ATP8A2: variants seen among roughly 807,000 people sequenced by gnomAD.
ATP8A2 encodes phospholipid-transporting ATPase IB.
ATP8A2 carries 100 observed loss-of-function variants against 165.6 expected under a neutral mutation model. The observed-to-expected ratio is 0.60, with a 90% confidence interval of 0.51 to 0.71. The LOEUF (loss-of-function observed/expected upper bound fraction) is 0.71. Ranked by LOEUF, ATP8A2 falls within the 30% of genes least tolerant of loss-of-function variation. The pLI, the probability that ATP8A2 is intolerant of heterozygous loss-of-function variation, is 0.00. For missense variants in ATP8A2, 1,227 were observed against 1,479.5 expected (o/e 0.83, Z 2.80); for synonymous variants, 543 against 548.8 (o/e 0.99, Z 0.15).
chr13:26,011,138 G>T (rs1056227637), intron 35 of ATP8A2, among the ~76,000 whole-genome samples: 30 of 152,186 alleles, frequency 2.0e-4, no homozygotes, highest in African/African-American at 6.0e-4. Flanking sequence ...CAAACGTAAG[G>T]GGGGTCTGTA....
intron 1 of ATP8A2, among the ~76,000 whole-genome samples, chr13:25,460,596 A>C (rs1315682114): frequency 5.3e-5 from 8 of 152,172 alleles, no homozygotes; most frequent in Non-Finnish European, 2.9e-5. Flanking sequence ...TTACAGGATA[A>C]ATTTAATACA....
intron 31 of ATP8A2, among the ~76,000 whole-genome samples, 170 bp downstream of exon 31, chr13:25,860,426 C>T (rs1029842337): frequency 1.3e-5 from 2 of 152,094 alleles, no homozygotes; most frequent in Admixed American, 6.6e-5. Context: ...CTTACATCAT[C>T]GTTTCTGAAG....
At chr13:25,501,807 G>C (rs1195643826) in intron 2 of ATP8A2, among the ~76,000 whole-genome samples, 1 of 152,140 alleles carries the variant, frequency 6.6e-6, no homozygotes, top group Non-Finnish European at 1.5e-5. Flanking sequence ...TTGTCCTCTG[G>C]GACTCTGAGG....
At chr13:25,826,189 A>G (rs1468119897) in intron 27 of ATP8A2, among the ~76,000 whole-genome samples, 1 of 152,214 alleles carries the variant, frequency 6.6e-6, no homozygotes, top group Non-Finnish European at 1.5e-5. Flanking sequence ...CTTTAATATC[A>G]CTTTGTACCC....
rs531885578 is a variant in ATP8A2 at position 25,978,895 on chromosome 13, G to C, written c.3377+10216G>C. On this transcript the variant is annotated intron_variant, in intron 35 of 36. Coordinates refer to ENST00000381655, the MANE Select transcript of ATP8A2 (RefSeq NM_016529.6). ...GCGGAGCTTGGAGTGAGCCGAGATC[G>C]CGCCACTGCACTCCAGCCTGGGCGA... is the stretch of plus-strand genomic sequence containing the variant. Among the ~76,000 whole-genome samples the C allele has an allele frequency of 6.4e-3, 972 of 152,176 alleles. 5 individuals are homozygous for C. The highest frequency in any genetic ancestry group is 0.027 in the Middle Eastern group (8 of 294).
chr13:25,778,624 C>T (rs1226776267), intron 27 of ATP8A2, among the ~76,000 whole-genome samples: 1 of 152,160 alleles, frequency 6.6e-6, no homozygotes, highest in African/African-American at 2.4e-5. Flanking sequence ...CAGTGTCTGG[C>T]ACAATGTCTG....
At chr13:25,971,405 G>A (rs1362816641) in intron 35 of ATP8A2, among the ~76,000 whole-genome samples, 1 of 151,958 alleles carries the variant, frequency 6.6e-6, no homozygotes, top group African/African-American at 2.4e-5. Context: ...CTTCAGCTCT[G>A]TCCTCCCTTC....
At chr13:25,554,560 TG>T (rs1426928959) in intron 12 of ATP8A2, among the ~76,000 whole-genome samples, 1 of 151,534 alleles carries the variant, frequency 6.6e-6, no homozygotes, top group Non-Finnish European at 1.5e-5. Flanking sequence ...TGTGTGTGTG[TG>T]TGTGTATTTC....
intron 2 of ATP8A2, among the ~76,000 whole-genome samples, chr13:25,495,434 T>C (rs558044895): frequency 3.9e-5 from 6 of 152,120 alleles, no homozygotes; most frequent in African/African-American, 1.4e-4. Context: ...CTCTGCTCTC[T>C]CTTCCTACCT....
At chr13:25,642,574 G>A (rs549750039) in intron 24 of ATP8A2, among the ~76,000 whole-genome samples, 364 of 152,198 alleles carry the variant, frequency 2.4e-3, no homozygotes, top group African/African-American at 8.5e-3. Flanking sequence ...AATGGTGATC[G>A]TTAAAAAGTG....
intron 28 of ATP8A2, among the ~76,000 whole-genome samples, chr13:25,836,532 C>A (rs1951612789): frequency 6.6e-6 from 1 of 152,186 alleles, no homozygotes; most frequent in African/African-American, 2.4e-5. Flanking sequence ...CCTCCCCTAA[C>A]AGGTATTAAT....
At position 25,643,943 on chromosome 13, in the gene ATP8A2, A is replaced by G. The variant is rs59969469; in HGVS notation, c.2211+54244A>G. On this transcript the variant is annotated intron_variant, in intron 24 of 36. Transcript: ENST00000381655. ...TTTCCATTTCTTTCTTTAACATTTTATAGTTTTCAGTGTACATGTCTTTCA... is the reference window on the plus strand; with the variant it reads ...TTTCCATTTCTTTCTTTAACATTTTGTAGTTTTCAGTGTACATGTCTTTCA... 4.1e-3 allele frequency among the ~76,000 whole-genome samples: 617 copies of G among 151,002 alleles called. 8 individuals carry two copies. Among genetic ancestry groups the G allele is most frequent in the African/African-American group, 0.014 (582 of 41,120 alleles).
In ATP8A2 at chr13:25,983,195, G is replaced by A. The variant is rs560433543; in HGVS notation, c.3377+14516G>A. Among the ~76,000 whole-genome samples, 10 of 152,232 alleles carry A rather than the reference G, an allele frequency of 6.6e-5. No individual in the cohort carries two copies. The South Asian group carries it at 2.1e-3, about 32-fold the overall frequency. On this transcript the variant is annotated intron_variant, in intron 35 of 36. Transcript: ENST00000381655. ...TTTTCTGTGCTGCCTTCATGATAGTGTCCACAGAAAATAATTTTACATTCC... is the reference window on the plus strand; with the variant it reads ...TTTTCTGTGCTGCCTTCATGATAGTATCCACAGAAAATAATTTTACATTCC...
chr13:25,480,299 AC>A (rs1555278513), intron 2 of ATP8A2, among the ~76,000 whole-genome samples: 2 of 125,312 alleles, frequency 1.6e-5, no homozygotes, highest in Non-Finnish European at 1.7e-5. Flanking sequence ...CGGGGGGCTG[AC>A]CCCCACCTCC....
chr13:25,757,503 ATGTG>A (rs113178441), intron 25 of ATP8A2, among the ~76,000 whole-genome samples: 4,658 of 150,640 alleles, frequency 0.031, 93 homozygotes, highest in South Asian at 0.074. Context: ...ACGATATACT[ATGTG>A]TGTGTGTGTG....
chr13:25,851,128 A>G (rs905935585), intron 30 of ATP8A2, among the ~76,000 whole-genome samples: 3 of 152,228 alleles, frequency 2.0e-5, no homozygotes, highest in African/African-American at 7.2e-5. Flanking sequence ...ACTCTTTCCT[A>G]GACTGAAAAC....
At chr13:25,460,053 T>C (rs2035465071) in intron 1 of ATP8A2, among the ~76,000 whole-genome samples, 2 of 152,072 alleles carry the variant, frequency 1.3e-5, no homozygotes. Flanking sequence ...ATACAAAAAT[T>C]AGCCGGGCAT....
At chr13:25,809,451 C>A (rs1390514089) in intron 27 of ATP8A2, among the ~76,000 whole-genome samples, 1 of 152,202 alleles carries the variant, frequency 6.6e-6, no homozygotes, top group African/African-American at 2.4e-5. Context: ...AACACTCGTT[C>A]TTCCTGCTTT....
chr13:25,555,817 T>G (rs190308286), intron 13 of ATP8A2, among the ~76,000 whole-genome samples: 13 of 152,150 alleles, frequency 8.5e-5, no homozygotes, highest in Admixed American at 7.9e-4. Flanking sequence ...GTTCCCATAT[T>G]TATGTCCTTG....
Sources: gnomAD v4.1 joint callset for allele counts (sites outside exome capture counted in the v4.1 genomes callset) on GRCh38, gnomAD v4.1.1 for gene constraint, MANE v1.5 for transcripts, NCBI Gene and HGNC (gene_info 2026-07-23, HGNC 2026-07-21) for gene names.